CNTLN: variants seen among roughly 807,000 people sequenced by gnomAD.
CNTLN encodes the protein centlein, centrosomal protein.
CNTLN carries 212 observed loss-of-function variants against 180.0 expected under a neutral mutation model. The observed-to-expected ratio is 1.18, with a 90% CI of 1.05 to 1.32. The LOEUF is 1.32. CNTLN is among the 40% of genes most tolerant of loss of function. CNTLN has a pLI of 0.00. For synonymous variants in CNTLN, 722 were observed against 563.1 expected (o/e 1.28, Z -3.99); for missense variants, 2,095 against 1,610.9 (o/e 1.30, Z -5.14).
chr9:17,448,140 GT>G, intron 18 of CNTLN: 2 of 207,984 alleles, frequency 9.6e-6, no homozygotes, highest in Non-Finnish European at 2.1e-5. Context: ...CAACCATGGT[GT>G]TTTAACTGCC....
chr9:17,385,707 C>G (rs975036094), intron 13 of CNTLN, among the ~76,000 whole-genome samples: 16 of 152,078 alleles, frequency 1.1e-4, no homozygotes, highest in African/African-American at 3.9e-4. Context: ...GACTTTTTAT[C>G]TTGTTATTCC....
intron 10 of CNTLN, among the ~76,000 whole-genome samples, chr9:17,339,645 T>A (rs1417996508): frequency 2.0e-5 from 3 of 152,192 alleles, no homozygotes; most frequent in African/African-American, 7.2e-5. Flanking sequence ...ACCACATAAG[T>A]ATACAAGTTC....
intron 9 of CNTLN, among the ~76,000 whole-genome samples, chr9:17,332,304 T>C (rs543089582): frequency 6.6e-6 from 1 of 152,166 alleles, no homozygotes. Context: ...ATCCCCTCCT[T>C]TGTAATGAGG....
At chr9:17,366,160 C>G (rs1823799257) in intron 12 of CNTLN, among the ~76,000 whole-genome samples, 1 of 152,090 alleles carries the variant, frequency 6.6e-6, no homozygotes, top group African/African-American at 2.4e-5. Flanking sequence ...AGGGCCTAAT[C>G]TTTTGCCCAG....
At chr9:17,357,176 T>G (rs2133350070) in intron 12 of CNTLN, among the ~76,000 whole-genome samples, 1 of 152,228 alleles carries the variant, frequency 6.6e-6, no homozygotes, top group South Asian at 2.1e-4. Flanking sequence ...TTGAACCATG[T>G]GCCAGAAGTT....
intron 2 of CNTLN, among the ~76,000 whole-genome samples, chr9:17,164,402 T>C (rs1819907101): frequency 6.7e-6 from 1 of 149,874 alleles, no homozygotes; most frequent in South Asian, 2.1e-4. Context: ...TAATCGAATA[T>C]GTATAAGACC....
At chr9:17,352,055 G>C (rs1281671949) in intron 12 of CNTLN, among the ~76,000 whole-genome samples, 1 of 151,986 alleles carries the variant, frequency 6.6e-6, no homozygotes, top group Non-Finnish European at 1.5e-5. Context: ...TAGTAAAGGG[G>C]TTTTGAATTC....
chr9:17,264,993 C>T (rs1587401632), intron 5 of CNTLN, among the ~76,000 whole-genome samples: 1 of 144,784 alleles, frequency 6.9e-6, no homozygotes. Flanking sequence ...CAAACAGGGA[C>T]AATTTGACTT....
chr9:17,274,617 G>A (rs1828192104), intron 6 of CNTLN, among the ~76,000 whole-genome samples: 1 of 151,964 alleles, frequency 6.6e-6, no homozygotes, highest in African/African-American at 2.4e-5. Context: ...GCATGGGATC[G>A]AAGATATGCT....
intron 18 of CNTLN, among the ~76,000 whole-genome samples, chr9:17,430,195 C>T (rs1236429283): frequency 6.6e-6 from 1 of 151,876 alleles, no homozygotes; most frequent in Admixed American, 6.6e-5. Flanking sequence ...TGATTTTATA[C>T]ATCTCCTAAA....
chr9:17,221,451 A>G (rs1343379069), intron 2 of CNTLN, among the ~76,000 whole-genome samples: 1 of 152,160 alleles, frequency 6.6e-6, no homozygotes, highest in African/African-American at 2.4e-5. Context: ...GCAATTATGT[A>G]TTAAATGTAC....
intron 18 of CNTLN, among the ~76,000 whole-genome samples, chr9:17,422,178 C>T (rs992846807): frequency 1.3e-5 from 2 of 152,092 alleles, no homozygotes; most frequent in South Asian, 4.1e-4. Flanking sequence ...CTACGATAAA[C>T]GTTCTTTTCT....
chr9:17,170,532 G>A (rs995593281), intron 2 of CNTLN, among the ~76,000 whole-genome samples: 6 of 151,846 alleles, frequency 4.0e-5, no homozygotes, highest in Non-Finnish European at 8.8e-5. Context: ...CTCTAACTGG[G>A]TAATTTCAAA....
At chr9:17,427,439 A>G (rs956866659) in intron 18 of CNTLN, among the ~76,000 whole-genome samples, 6 of 152,154 alleles carry the variant, frequency 3.9e-5, no homozygotes, top group Non-Finnish European at 7.4e-5. Flanking sequence ...TTTCCTGTCA[A>G]ATATGATATC....
chr9:17,469,272 C>T (rs999437385), intron 23 of CNTLN, among the ~76,000 whole-genome samples: 1 of 151,638 alleles, frequency 6.6e-6, no homozygotes, highest in African/African-American at 2.4e-5. Context: ...TTTAGTAAGA[C>T]CATTTATAAC....
At chr9:17,508,451 T>C (rs987851407), downstream of CNTLN, among the ~76,000 whole-genome samples, 2 of 152,308 alleles carry the variant, frequency 1.3e-5, no homozygotes, top group Non-Finnish European at 2.9e-5. Flanking sequence ...TTCACTTCGT[T>C]GGAGTGTTTT....
At chr9:17,200,995 C>T (rs530135250) in intron 2 of CNTLN, among the ~76,000 whole-genome samples, 10 of 152,094 alleles carry the variant, frequency 6.6e-5, no homozygotes, top group South Asian at 2.1e-4. Flanking sequence ...TGTTATTTTG[C>T]GATACGTTCC....
At chr9:17,218,882 C>A (rs978910621) in intron 2 of CNTLN, among the ~76,000 whole-genome samples, 3 of 151,894 alleles carry the variant, frequency 2.0e-5, no homozygotes, top group Non-Finnish European at 2.9e-5. Context: ...AAAATATGAT[C>A]CTGTTGTAGT....
chr9:17,487,087 A>T, intron 25 of CNTLN, 21 bp downstream of exon 25: 1 of 1,495,514 alleles, frequency 6.7e-7, no homozygotes, highest in African/African-American at 1.4e-5. Flanking sequence ...TTTCTGTTTC[A>T]TATATTAAGC....
Sources: gnomAD v4.1 joint callset for allele counts (sites outside exome capture counted in the v4.1 genomes callset) on GRCh38, gnomAD v4.1.1 for gene constraint, MANE v1.5 for transcripts, NCBI Gene and HGNC (gene_info 2026-07-23, HGNC 2026-07-21) for gene names.